Variants in DOT1L observed in about 807,000 individuals in gnomAD.
The protein encoded by DOT1L is DOT1 like histone lysine methyltransferase.
In DOT1L, 33 loss-of-function variants were observed where a neutral mutation model predicts 153.3. That is an observed-to-expected ratio of 0.22 (90% CI 0.16 to 0.29). The LOEUF is 0.29. Ranked by LOEUF, DOT1L falls within the 10% of genes least tolerant of loss-of-function variation. The pLI, the probability that DOT1L is intolerant of heterozygous loss-of-function variation, is 1.00. For synonymous variants in DOT1L, 1,135 were observed against 965.1 expected, an observed-to-expected ratio of 1.18 and a Z score of -3.26; for missense variants, 1,847 against 2,119.9, an observed-to-expected ratio of 0.87 and a Z score of 2.53.
chr19:2,228,153 A>AATTG, intron 27 of DOT1L: 1 of 1,364,528 alleles, frequency 7.3e-7, no homozygotes, highest in Non-Finnish European at 9.8e-7. Context: ...TTTGTCTATC[A>AATTG]AGCTCACCTC....
At chr19:2,168,323 G>C (rs574058267) in intron 1 of DOT1L, among the ~76,000 whole-genome samples, 111 of 152,290 alleles carry the variant, frequency 7.3e-4, no homozygotes, top group African/African-American at 2.6e-3. Context: ...TTAAAACAGT[G>C]AAGTTAAGTA....
rs1190809992 is a variant in DOT1L at position 2,204,101 on chromosome 19, CTG to C, written c.787+1329_787+1330del. On this transcript the variant is annotated intron_variant, in intron 9 of 27. Transcript: ENST00000398665. This position sits in a 1 kb window ranked among gnomAD's most constrained non-coding sequence, Gnocchi z 5.7. ...TTGGAGGGTGCTTGTGTGCCTGTGT[CTG>C]TGTGTGCGTGTCTGTGTCTCTGTGC... 6.6e-6 allele frequency among the ~76,000 whole-genome samples: 1 copy of C among 151,884 alleles called. No homozygotes were observed. The highest frequency in any genetic ancestry group is 1.5e-5 in the Non-Finnish European group (1 of 67,960).
chr19:2,168,913 C>G lies in DOT1L; in HGVS notation c.81+4648C>G, dbSNP rs533966656. Among the ~76,000 whole-genome samples, 25 of 152,250 alleles carry G rather than the reference C, an allele frequency of 1.6e-4. No homozygotes were observed. In the South Asian group the frequency reaches 3.9e-3, roughly 24 times the overall value. On this transcript the variant is annotated intron_variant, in intron 1 of 27. Transcript: ENST00000398665. ...ACAGGCATGAGCCACCGTGCCTGGC[C>G]CTGCGTGGTATTTCTAGGGCAGGAT...
rs73514480 is a variant in DOT1L, at chr19:2,193,060, C to T, written c.494-629C>T. Among the ~76,000 whole-genome samples the T allele has an allele frequency of 6.3e-3, 956 of 152,266 alleles. 6 individuals carry two copies. The highest frequency in any genetic ancestry group is 0.021 in the African/African-American group (891 of 41,542). The stretch of plus-strand genomic sequence containing the variant: ...GGGAGGAGAGGTGGCTTGACACCCC[C>T]GGTGTGCGCCGCTGCCTCCACCCTC... On this transcript the variant is annotated intron_variant, in intron 5 of 27. Transcript: ENST00000398665. This position sits in a 1 kb window ranked among gnomAD's most constrained non-coding sequence, Gnocchi z 5.9.
intron 25 of DOT1L, 54 bp from the exon 26 acceptor site, chr19:2,225,334 C>A: frequency 6.5e-7 from 1 of 1,548,518 alleles, no homozygotes; most frequent in South Asian, 1.1e-5. Flanking sequence ...GCATTTGTGT[C>A]ATTCTTAGTA....
intron 2 of DOT1L, among the ~76,000 whole-genome samples, chr19:2,183,820 T>G (rs1291428908): frequency 6.6e-6 from 1 of 151,914 alleles, no homozygotes; most frequent in African/African-American, 2.4e-5. Flanking sequence ...AGAGACAGGG[T>G]TTCACCATGT....
intron 1 of DOT1L, among the ~76,000 whole-genome samples, chr19:2,177,172 T>TA (rs1013848180): frequency 1.6e-4 from 24 of 152,304 alleles, no homozygotes; most frequent in African/African-American, 5.5e-4. Flanking sequence ...CGGCAGCCAC[T>TA]AGCCACTCGG....
At chr19:2,209,053 C>G (rs2023612121) in intron 12 of DOT1L, 77 bp downstream of exon 12, 1 of 1,529,698 alleles carries the variant, frequency 6.5e-7, no homozygotes, top group Non-Finnish European at 8.9e-7. Flanking sequence ...CGTGCGCAGC[C>G]GGGTTCAGGA....
At chr19:2,229,690 C>T (rs1469936435) in intron 27 of DOT1L, 95 bp from the exon 28 acceptor site, 33 of 1,606,114 alleles carry the variant, frequency 2.1e-5, no homozygotes, top group Middle Eastern at 1.6e-4. Context: ...CGTGTGTGCT[C>T]GTGGGAGGCC....
chr19:2,167,550 G>C (rs1378566279), intron 1 of DOT1L, among the ~76,000 whole-genome samples: 4 of 152,192 alleles, frequency 2.6e-5, no homozygotes, highest in Non-Finnish European at 5.9e-5. Context: ...GCTGGTCCTG[G>C]CGCCGTCTAC....
Position 2,164,248 on chromosome 19 carries a change from T to C in DOT1L, c.64T>C (p.Trp22Arg). The change falls in exon 1 of 28, where the codon TGG (tryptophan) becomes CGG (arginine). Residue 22 changes from tryptophan (W) to arginine (R), a missense_variant. Trp to Arg is a moderately radical substitution (Grantham distance 101). Transcript: ENST00000398665. Reference protein sequence around the residue: ...PVGAEPAVYPWPLPVYDKHHD... With the variant: ...PVGAEPAVYPRPLPVYDKHHD... ...GGGGGCTGAGCCCGCCGTCTACCCG[T>C]GGCCGCTGCCGGTCTACGTGAGTGC... is the stretch of plus-strand genomic sequence containing the variant. 1 of 1,279,422 alleles carries C rather than the reference T, an allele frequency of 7.8e-7. No individual in the cohort carries two copies. Among genetic ancestry groups the C allele is most frequent in the Non-Finnish European group, 9.9e-7 (1 of 1,009,558 alleles). 79.3% of individuals were successfully genotyped at this position (1,279,422 alleles called of 1,614,324 possible). A position where few individuals can be genotyped will look rare whatever the true frequency, so the allele number is the denominator to read the frequency against.
In DOT1L at chr19:2,222,457, G is replaced by A. The variant is rs1456736259; in HGVS notation, c.3288G>A (p.Thr1096=). ...GGCGGAAGCGAGCATCTGCGGGGAC[G>A]CCCAGCTTGAGCGCAGGCGTGTCCC... The part of the protein sequence containing the change: ...RGRRKRASAG[T]PSLSAGVSPK... Residue 1096 remains threonine (T), a synonymous_variant, in exon 24 of 28, where the codon ACG becomes ACA. Transcript: ENST00000398665. This position sits in a 1 kb window ranked among gnomAD's most constrained non-coding sequence, Gnocchi z 6.5. 11 of 1,607,204 alleles carry A rather than the reference G, an allele frequency of 6.8e-6. No individual in the cohort carries two copies. The highest frequency in any genetic ancestry group is 1.7e-4 in the Middle Eastern group (1 of 6,036).
Position 2,186,178 on chromosome 19 carries a change from A to G in DOT1L, c.200+249A>G, listed in dbSNP as rs73514469. ...TGGAAAGTGGGATTGGCATGTGTGGAGTCAGCCCGCGCTAGTGATCGCTCT... is the reference window on the plus strand; with the variant it reads ...TGGAAAGTGGGATTGGCATGTGTGGGGTCAGCCCGCGCTAGTGATCGCTCT... On this transcript the variant is annotated intron_variant, in intron 3 of 27. Coordinates refer to ENST00000398665, the MANE Select transcript of DOT1L (RefSeq NM_032482.3). Among the ~76,000 whole-genome samples the G allele has an allele frequency of 9.8e-3, 1,491 of 152,358 alleles. 24 individuals carry two copies. Among genetic ancestry groups the G allele is most frequent in the African/African-American group, 0.034 (1,397 of 41,584 alleles).
chr19:2,216,511 T>C lies in DOT1L; in HGVS notation c.2154T>C (p.Ala718=). 6.2e-7 allele frequency: 1 copy of C among 1,612,460 alleles called. No individual in the cohort carries two copies. Among genetic ancestry groups the C allele is most frequent in the African/African-American group, 1.3e-5 (1 of 75,060 alleles). The stretch of plus-strand genomic sequence containing the variant: ...AGCTCTCCATGAACGGCCAGGCTGC[T>C]GGCTATGAGCTCTGCGGTGTGCTGA... ...SPELSMNGQA[A]GYELCGVLSR... is the part of the protein sequence containing the mutation. Residue 718 remains alanine (A), a synonymous_variant, in exon 20 of 28, where the codon GCT becomes GCC. Transcript: ENST00000398665.
chr19:2,197,916 G>A lies in DOT1L; in HGVS notation c.652-1968G>A, dbSNP rs1270660835. Among the ~76,000 whole-genome samples the A allele has an allele frequency of 1.3e-5, 2 of 152,142 alleles. No individual in the cohort carries two copies. Among genetic ancestry groups the A allele is most frequent in the Non-Finnish European group, 2.9e-5 (2 of 68,014 alleles). ...TGGAAACTTGCATCTGATATTGGAG[G>A]AAACCCTCGGAGCAACTCTCTGTGG... On this transcript the variant is annotated intron_variant, in intron 7 of 27. Transcript: ENST00000398665. This position sits in a 1 kb window ranked among gnomAD's most constrained non-coding sequence, Gnocchi z 4.1.
chr19:2,168,488 C>T (rs967365566), intron 1 of DOT1L, among the ~76,000 whole-genome samples: 4 of 152,190 alleles, frequency 2.6e-5, no homozygotes, highest in East Asian at 1.9e-4. Context: ...CCACAACTGT[C>T]CACGCTCGGA....
chr19:2,193,604 T>C lies in DOT1L; in HGVS notation c.494-85T>C, dbSNP rs1050413174. The C allele has an allele frequency of 3.7e-6, 5 of 1,339,322 alleles. No individual in the cohort carries two copies. In the African/African-American group the frequency reaches 4.3e-5, roughly 12 times the overall value. The allele number at this position is 1,339,322 out of a possible 1,614,324, so 83.0% of individuals were successfully genotyped here. ...CTGTGGGTCTTCATGGCCGCATTCT[T>C]GTGGCCTCTGTCTCCGAGCCTAGCA... On this transcript the variant is annotated intron_variant, in intron 5 of 27. Transcript: ENST00000398665. The surrounding 1 kb of genome is among the most constrained non-coding windows in gnomAD (Gnocchi z 5.9).
chr19:2,229,965 G>T lies in DOT1L; in HGVS notation c.*173G>T. ...GCCGCAGGAGGCTGGGACTGGTCCA[G>T]TTTGTACTGTCGATAGTTTTAGATA... On this transcript the variant is annotated 3_prime_UTR_variant, in exon 28 of 28. Transcript: ENST00000398665. 1 of 976,962 alleles carries T rather than the reference G, an allele frequency of 1.0e-6. No individual in the cohort carries two copies. Among genetic ancestry groups the T allele is most frequent in the Non-Finnish European group, 1.5e-6 (1 of 649,326 alleles). 60.5% of individuals were successfully genotyped at this position (976,962 alleles called of 1,614,324 possible). A position where few individuals can be genotyped will look rare whatever the true frequency, so the allele number is the denominator to read the frequency against.
In DOT1L at chr19:2,211,112, C is replaced by G. The variant is rs902352723; in HGVS notation, c.1365C>G (p.Ser455=). 6 of 1,612,708 alleles carry G rather than the reference C, an allele frequency of 3.7e-6. No individual in the cohort carries two copies. The highest frequency in any genetic ancestry group is 1.1e-5 in the South Asian group (1 of 91,040). ...AASSPQDAYR[S]PHSPFYQLPP... is the part of the protein sequence containing the mutation. The stretch of plus-strand genomic sequence containing the variant: ...CCGCTCTCCCAGATGCCTACAGATC[C>G]CCTCACAGCCCGTTCTACCAGCTAC... The change falls in exon 15 of 28, where the codon TCC becomes TCG. Residue 455 remains serine, a synonymous_variant. Coordinates refer to ENST00000398665, the MANE Select transcript of DOT1L (RefSeq NM_032482.3).
Sources: gnomAD v4.1 joint callset for allele counts (sites outside exome capture counted in the v4.1 genomes callset) on GRCh38, gnomAD v4.1.1 for gene constraint, Gnocchi (gnomAD v3.1) non-coding constraint, MANE v1.5 for transcripts, NCBI Gene and HGNC (gene_info 2026-07-23, HGNC 2026-07-21) for gene names.